The following TMT1A variants were observed in gnomAD, a reference collection of about 807,000 sequenced individuals.
TMT1A encodes thiol methyltransferase 1A, also known as thiol S-methyltransferase TMT1A.
the TMT1A span, among the ~76,000 whole-genome samples, chr12:50,926,966 A>G: frequency 0.3 from 45,015 of 152,120 alleles, 7,987 homozygotes; most frequent in East Asian, 0.51. Context: ...GAAGATATGG[A>G]TATCTTAACA....
chr12:50,930,173 G>C, the TMT1A span: 4 of 1,526,842 alleles, frequency 2.6e-6, no homozygotes, highest in Non-Finnish European at 2.7e-6. Context: ...GTTAAGAGCT[G>C]AATGGCTCAA....
chr12:50,932,310 T>G, the TMT1A span: 1 of 152,226 alleles, frequency 6.6e-6, no homozygotes, highest in African/African-American at 2.4e-5. Flanking sequence ...TTCTTTGTTC[T>G]TTGCAACTAT....
At chr12:50,928,310 G>C in the TMT1A span, among the ~76,000 whole-genome samples, 1,313 of 152,274 alleles carry the variant, frequency 8.6e-3, 13 homozygotes, top group African/African-American at 0.031. Flanking sequence ...CCAGGTTCTT[G>C]TCTCACATTC....
the TMT1A span, chr12:50,930,351 C>T: frequency 1.3e-5 from 6 of 473,072 alleles, no homozygotes; most frequent in African/African-American, 2.0e-5. Flanking sequence ...GTGATCTCCG[C>T]TCACTGCAAC....
the TMT1A span, among the ~76,000 whole-genome samples, chr12:50,927,598 T>C: frequency 6.6e-6 from 1 of 152,214 alleles, no homozygotes; most frequent in African/African-American, 2.4e-5. Flanking sequence ...CAAAAATCAA[T>C]TGAACTCTTA....
the TMT1A span, chr12:50,932,193 G>A: frequency 4.6e-5 from 7 of 152,138 alleles, no homozygotes; most frequent in East Asian, 1.2e-3. Flanking sequence ...TGAATAATTA[G>A]GTATCCTAGG....
chr12:50,926,728 G>A, the TMT1A span, among the ~76,000 whole-genome samples: 1 of 152,226 alleles, frequency 6.6e-6, no homozygotes, highest in Admixed American at 6.5e-5. Flanking sequence ...CATTGTGTGA[G>A]GCAGGGAGAG....
At chr12:50,928,694 C>T in the TMT1A span, among the ~76,000 whole-genome samples, 1,241 of 152,302 alleles carry the variant, frequency 8.1e-3, 16 homozygotes, top group African/African-American at 0.028. Context: ...GTTCATTTCA[C>T]TTATATACAC....
the TMT1A span, among the ~76,000 whole-genome samples, chr12:50,926,128 A>G: frequency 6.6e-6 from 1 of 152,022 alleles, no homozygotes; most frequent in Admixed American, 6.6e-5. Flanking sequence ...TTTGCCAGGG[A>G]TGATAGACAA....
chr12:50,925,094 T>C, the TMT1A span: 2 of 1,614,208 alleles, frequency 1.2e-6, no homozygotes, highest in Non-Finnish European at 1.7e-6. Flanking sequence ...ACATTTCCCT[T>C]GTACCTGCTG....
chr12:50,926,449 C>G, the TMT1A span, among the ~76,000 whole-genome samples: 1 of 152,184 alleles, frequency 6.6e-6, no homozygotes, highest in Non-Finnish European at 1.5e-5. Flanking sequence ...CACACATACT[C>G]TTTTATCCAC....
the TMT1A span, among the ~76,000 whole-genome samples, chr12:50,928,344 TG>T: frequency 6.6e-6 from 1 of 152,164 alleles, no homozygotes; most frequent in African/African-American, 2.4e-5. Flanking sequence ...CACGTGAACA[TG>T]GAAGAGTGAG....
chr12:50,930,290 T>G, the TMT1A span: 2 of 645,562 alleles, frequency 3.1e-6, no homozygotes, highest in Non-Finnish European at 5.0e-6. Flanking sequence ...TTTTTTTTTT[T>G]GGCGGGAAGA....
the TMT1A span, chr12:50,930,206 C>A: frequency 3.7e-6 from 5 of 1,352,088 alleles, no homozygotes; most frequent in South Asian, 1.5e-5. Context: ...TTCAGTTTTA[C>A]ATTTAAAATG....
chr12:50,928,598 G>T, the TMT1A span, among the ~76,000 whole-genome samples: 19 of 152,158 alleles, frequency 1.2e-4, no homozygotes, highest in African/African-American at 4.1e-4. Flanking sequence ...AACATCTCAT[G>T]TAACCATTTG....
the TMT1A span, among the ~76,000 whole-genome samples, chr12:50,926,495 A>G: frequency 9.2e-5 from 14 of 152,370 alleles, no homozygotes; most frequent in Non-Finnish European, 1.6e-4. Flanking sequence ...AATATTAAGT[A>G]GAATTTGTAA....
the TMT1A span, chr12:50,925,364 A>T: frequency 3.4e-5 from 55 of 1,614,230 alleles, no homozygotes; most frequent in Non-Finnish European, 4.6e-5. Flanking sequence ...TTTTTGATCA[A>T]GAGCATTGCA....
At chr12:50,929,908 TCTCAGGGAGGGGC>T in the TMT1A span, 1 of 1,563,530 alleles carries the variant, frequency 6.4e-7, no homozygotes, top group Non-Finnish European at 8.6e-7. Context: ...TTTCTTTCTT[TCTCAGGGAGGGGC>T]TTTCTATTTC....
chr12:50,925,869 T>C, the TMT1A span, among the ~76,000 whole-genome samples: 10 of 151,568 alleles, frequency 6.6e-5, no homozygotes, highest in African/African-American at 2.4e-4. Flanking sequence ...TGAAACCCCA[T>C]CTCTATTAAA....
Sources: allele counts gnomAD v4.1 joint callset (sites outside exome capture counted in the v4.1 genomes callset), GRCh38; gene constraint gnomAD v4.1.1; transcripts MANE v1.5; gene names NCBI Gene and HGNC (gene_info 2026-07-23, HGNC 2026-07-21).